ELF2: variants seen among roughly 807,000 people sequenced by gnomAD.
ELF2 encodes the protein E74 like ETS transcription factor 2, also known as ETS-related transcription factor Elf-2.
In ELF2, 11 loss-of-function variants were observed where a neutral mutation model predicts 54.8. The observed-to-expected ratio is 0.20, with a 90% CI of 0.13 to 0.33. The LOEUF (loss-of-function observed/expected upper bound fraction) is 0.33. Ranked by LOEUF, ELF2 falls within the 10% of genes least tolerant of loss-of-function variation. The pLI is 1.00. For missense variants in ELF2, 513 were observed against 703.0 expected (o/e 0.73, Z 3.06); for synonymous variants, 203 against 245.1 (o/e 0.83, Z 1.61).
intron 4 of ELF2, among the ~76,000 whole-genome samples, chr4:139,112,753 G>C (rs1412523236): frequency 1.3e-5 from 2 of 151,540 alleles, no homozygotes; most frequent in African/African-American, 2.4e-5. Context: ...GTGTTTCTCG[G>C]AGATGTATAG....
intron 3 of ELF2, among the ~76,000 whole-genome samples, chr4:139,127,948 G>A (rs1168750665): frequency 2.8e-5 from 4 of 140,596 alleles, no homozygotes; most frequent in Admixed American, 1.5e-4. Flanking sequence ...CTGGCTGACA[G>A]AATGAGACTC....
chr4:139,130,252 T>A (rs1737360737), intron 3 of ELF2, among the ~76,000 whole-genome samples: 1 of 152,080 alleles, frequency 6.6e-6, no homozygotes, highest in African/African-American at 2.4e-5. Context: ...AAAAAAAATC[T>A]ATCAACACCT....
At chr4:139,152,331 T>C (rs142997547) in intron 1 of ELF2, among the ~76,000 whole-genome samples, 67 of 152,166 alleles carry the variant, frequency 4.4e-4, no homozygotes, top group African/African-American at 1.4e-3. Flanking sequence ...TAATTTGTAG[T>C]CTACACCATT....
chr4:139,119,868 G>C (rs548609448), intron 4 of ELF2, among the ~76,000 whole-genome samples: 1 of 152,096 alleles, frequency 6.6e-6, no homozygotes, highest in Admixed American at 6.5e-5. Flanking sequence ...TCCACCTCCC[G>C]GTTCAGGCAA....
intron 4 of ELF2, among the ~76,000 whole-genome samples, chr4:139,081,626 G>C (rs900701098): frequency 6.6e-6 from 1 of 152,058 alleles, no homozygotes; most frequent in Non-Finnish European, 1.5e-5. Context: ...CTCCCTCAAG[G>C]AGATAAAAAG....
At chr4:139,174,206 TAA>T (rs1222397912) in intron 1 of ELF2, among the ~76,000 whole-genome samples, 4 of 93,998 alleles carry the variant, frequency 4.3e-5, no homozygotes, top group Admixed American at 1.1e-4. Flanking sequence ...GACTCCATCT[TAA>T]AAAAAAAAAA....
Position 139,058,407 on chromosome 4 carries a change from G to GTATATATATA in ELF2, c.*566_*575dup, listed in dbSNP as rs113800639. 1.9e-4 allele frequency: 27 copies of GTATATATATA among 142,160 alleles called. No homozygotes were observed. The highest frequency in any genetic ancestry group is 6.4e-4 in the African/African-American group (25 of 38,824). 8.8% of individuals were successfully genotyped at this position (142,160 alleles called of 1,614,324 possible). A position where few individuals can be genotyped will look rare whatever the true frequency, so the allele number is the denominator to read the frequency against. On this transcript the variant is annotated 3_prime_UTR_variant, in exon 10 of 10. Coordinates refer to ENST00000686138, the MANE Select transcript of ELF2 (RefSeq NM_001331036.3). Reference sequence around the variant, plus strand: ...AGCTATATGATATATATATATGTATGTATATATATATATATATATATATAA... The same window carrying GTATATATATA: ...AGCTATATGATATATATATATGTATGTATATATATATATATATATATATATATATATATAA...
At chr4:139,084,143 G>A (rs1731621027) in intron 4 of ELF2, 6 of 1,613,602 alleles carry the variant, frequency 3.7e-6, no homozygotes, top group Non-Finnish European at 5.1e-6. Context: ...CGGCCCGGAT[G>A]AGCAGATCCA....
intron 1 of ELF2, among the ~76,000 whole-genome samples, chr4:139,159,902 A>G (rs1015109589): frequency 1.3e-5 from 2 of 152,228 alleles, no homozygotes; most frequent in Non-Finnish European, 2.9e-5. Flanking sequence ...TGGAAGGCGT[A>G]TTTAGAGTCA....
chr4:139,062,388 C>G (rs1728002771), intron 7 of ELF2, among the ~76,000 whole-genome samples: 1 of 152,168 alleles, frequency 6.6e-6, no homozygotes, highest in Non-Finnish European at 1.5e-5. Context: ...CCAGGCTGGT[C>G]TTGAACTCCT....
chr4:139,149,350 G>A (rs975487636), intron 1 of ELF2, among the ~76,000 whole-genome samples: 5 of 152,166 alleles, frequency 3.3e-5, no homozygotes, highest in Admixed American at 6.6e-5. Context: ...GGTGGCTCAC[G>A]CCTGTAATCC....
Position 139,160,938 on chromosome 4 carries a change from C to T in ELF2, c.-252+16029G>A, listed in dbSNP as rs574427321. Among the ~76,000 whole-genome samples, 5 of 151,882 alleles carry T rather than the reference C, an allele frequency of 3.3e-5. No homozygotes were observed. The East Asian group carries it at 5.8e-4, about 18-fold the overall frequency. On this transcript the variant is annotated intron_variant, in intron 1 of 9. Transcript: ENST00000686138. Reference sequence around the variant, plus strand: ...AGACAGTGCCACTGCAGTCCAGCTTCGGCAACAGAGTGAGACTCCATCTCA... The same window carrying T: ...AGACAGTGCCACTGCAGTCCAGCTTTGGCAACAGAGTGAGACTCCATCTCA...
chr4:139,126,372 G>A (rs6826269), intron 3 of ELF2, among the ~76,000 whole-genome samples: 118,579 of 148,556 alleles, frequency 0.8, 47,908 homozygotes, highest in African/African-American at 0.94. Flanking sequence ...ACAAGAAATA[G>A]AAAGGAAAAA....
At chr4:139,065,971 A>G (rs1188989532) in intron 7 of ELF2, 5 of 150,042 alleles carry the variant, frequency 3.3e-5, no homozygotes, top group African/African-American at 7.4e-5. Flanking sequence ...AGCCTCTCCC[A>G]AATTGGGTCA....
intron 4 of ELF2, among the ~76,000 whole-genome samples, chr4:139,081,891 G>C (rs1490645103): frequency 6.8e-6 from 1 of 148,020 alleles, no homozygotes; most frequent in East Asian, 2.0e-4. Context: ...ATAACTGTAT[G>C]TAAAACATAT....
chr4:139,149,474 C>T (rs893777254), intron 1 of ELF2, among the ~76,000 whole-genome samples: 3 of 152,020 alleles, frequency 2.0e-5, no homozygotes, highest in South Asian at 2.1e-4. Flanking sequence ...TATAGCTAGG[C>T]GTGGTGGCAT....
At chr4:139,104,221 G>T (rs1224602182) in intron 4 of ELF2, among the ~76,000 whole-genome samples, 1 of 152,072 alleles carries the variant, frequency 6.6e-6, no homozygotes, top group African/African-American at 2.4e-5. Flanking sequence ...AAATATACAG[G>T]AATGTTGGCT....
chr4:139,165,049 C>A (rs1353029621), intron 1 of ELF2, among the ~76,000 whole-genome samples: 3 of 152,210 alleles, frequency 2.0e-5, no homozygotes, highest in Admixed American at 6.5e-5. Context: ...AATCTCATTG[C>A]AGGAAGTTTT....
chr4:139,161,082 C>T (rs940115807), intron 1 of ELF2, among the ~76,000 whole-genome samples: 1 of 152,042 alleles, frequency 6.6e-6, no homozygotes, highest in Non-Finnish European at 1.5e-5. Flanking sequence ...GTGTTTTATA[C>T]CTATGTACAT....
Sources: gnomAD v4.1 joint callset for allele counts (sites outside exome capture counted in the v4.1 genomes callset) on GRCh38, gnomAD v4.1.1 for gene constraint, MANE v1.5 for transcripts, NCBI Gene and HGNC (gene_info 2026-07-23, HGNC 2026-07-21) for gene names.